ZFHX4: variants seen among roughly 807,000 people sequenced by gnomAD.
The protein encoded by ZFHX4 is zinc finger homeobox protein 4.
In ZFHX4, 56 loss-of-function variants were observed where a neutral mutation model predicts 267.6. The observed-to-expected ratio is 0.21, with a 90% CI of 0.17 to 0.26. ZFHX4 has a LOEUF of 0.26. Ranked by LOEUF, ZFHX4 falls within the 10% of genes least tolerant of loss-of-function variation. ZFHX4 has a pLI of 1.00. For missense variants in ZFHX4, 4,332 were observed against 4,420.0 expected, an observed-to-expected ratio of 0.98 and a Z score of 0.56; for synonymous variants, 1,778 against 1,665.6, an observed-to-expected ratio of 1.07 and a Z score of -1.64.
intron 4 of ZFHX4, among the ~76,000 whole-genome samples, chr8:76,786,614 C>T (rs1466770228): frequency 2.6e-5 from 4 of 151,844 alleles, no homozygotes. Context: ...TTAATATCTC[C>T]TGATAACCAA....
rs1224803547 is a variant in ZFHX4, at chr8:76,864,228, C to T, written c.10514C>T (p.Ser3505Leu). The T allele has an allele frequency of 3.1e-6, 5 of 1,613,794 alleles. No individual in the cohort carries two copies. The highest frequency in any genetic ancestry group is 1.7e-5 in the Admixed American group (1 of 59,976). Residue 3505 changes from serine (S) to leucine (L), a missense_variant, in exon 11 of 11, where the codon TCG becomes TTG. This residue lies in a region of ZFHX4 where 1,648 missense variants were observed against 1,625.0 expected (regional missense o/e 1.01). Transcript: ENST00000651372. The part of the protein sequence containing the change: ...CSPNPNTTST[S>L]QSAASSNNTY... ...CCTAATCCTAACACCACATCTACCT[C>T]GCAGTCTGCAGCTTCTTCTAATAAC...
At chr8:76,733,860 T>C (rs947903054) in intron 3 of ZFHX4, among the ~76,000 whole-genome samples, 2 of 152,168 alleles carry the variant, frequency 1.3e-5, no homozygotes, top group African/African-American at 2.4e-5. Flanking sequence ...TGCCAGATGA[T>C]GTATCCAGCT....
In ZFHX4 at chr8:76,783,354, C is replaced by T. The variant is rs139038680; in HGVS notation, c.3325+4915C>T. The stretch of plus-strand genomic sequence containing the variant: ...AAAAATAATTTTGCTCGGTTGCTTT[C>T]TGATTTTGTTTCTCCTGAATATTGG... On this transcript the variant is annotated intron_variant, in intron 4 of 10. Transcript: ENST00000651372. 3.7e-3 allele frequency among the ~76,000 whole-genome samples: 559 copies of T among 152,070 alleles called. 3 individuals carry two copies. The highest frequency in any genetic ancestry group is 9.5e-3 in the South Asian group (46 of 4,818).
chr8:76,767,037 A>T (rs1343405640), intron 3 of ZFHX4, among the ~76,000 whole-genome samples: 1 of 140,392 alleles, frequency 7.1e-6, no homozygotes, highest in Admixed American at 6.9e-5. Context: ...TGTCTGTCTC[A>T]TAAAGGGGTG....
At chr8:76,824,460 T>G (rs1170621838) in intron 4 of ZFHX4, among the ~76,000 whole-genome samples, 1 of 152,174 alleles carries the variant, frequency 6.6e-6, no homozygotes, top group East Asian at 1.9e-4. Flanking sequence ...GGAAGTTTGG[T>G]ATGGGGAGCA....
chr8:76,714,091 G>A (rs945592004), intron 3 of ZFHX4, among the ~76,000 whole-genome samples: 2 of 152,122 alleles, frequency 1.3e-5, no homozygotes, highest in Non-Finnish European at 2.9e-5. Flanking sequence ...TTAATCAAAA[G>A]AGCTAAATTG....
rs1363201735 is a variant in ZFHX4, at chr8:76,852,296, A to T, written c.5375A>T (p.Gln1792Leu). The change falls in exon 10 of 11, where the codon CAA (glutamine) becomes CTA (leucine). Residue 1792 changes from glutamine (Q) to leucine (L), a missense_variant. Physicochemically the swap from Gln to Leu is moderately radical, Grantham distance 113 (BLOSUM62 -2). This residue lies in a region of ZFHX4 where 1,371 missense variants were observed against 1,423.1 expected (regional missense o/e 0.96). Coordinates refer to ENST00000651372, the MANE Select transcript of ZFHX4 (RefSeq NM_024721.5). ...ACCCAACATCACGTTGGTCAAACTC[A>T]ACTCCAGATACTACAGCAACAAGCA... ...IQTQHHVGQT[Q>L]LQILQQQAQQ... 7.7e-6 allele frequency: 12 copies of T among 1,562,636 alleles called. No homozygotes were observed. Among genetic ancestry groups the T allele is most frequent in the Non-Finnish European group, 1.0e-5 (12 of 1,152,574 alleles).
intron 1 of ZFHX4, chr8:76,683,694 CAG>C (rs1162159986): frequency 1.4e-5 from 2 of 144,000 alleles, no homozygotes; most frequent in African/African-American, 2.6e-5. Context: ...AGACAAGAGA[CAG>C]AGGAGGGTTT....
rs1368654899 is a variant in ZFHX4 at position 76,707,977 on chromosome 8, A to C, written c.3022A>C (p.Thr1008Pro). The change falls in exon 3 of 11, where the codon ACC (threonine) becomes CCC (proline). Residue 1008 changes from threonine (T) to proline (P), a missense_variant. By Grantham distance (38) the Thr-to-Pro change is conservative. Coordinates refer to ENST00000651372, the MANE Select transcript of ZFHX4 (RefSeq NM_024721.5). ...HLKCNACDYY[T>P]NSVDKLRLHT... is the part of the protein sequence containing the mutation. ...AAAATGTAACGCCTGTGACTATTACACCAACAGTGTGGATAAATTACGCTT... is the reference window on the plus strand; with the variant it reads ...AAAATGTAACGCCTGTGACTATTACCCCAACAGTGTGGATAAATTACGCTT... The C allele has an allele frequency of 6.2e-7, 1 of 1,613,936 alleles. No homozygotes were observed. The highest frequency in any genetic ancestry group is 8.5e-7 in the Non-Finnish European group (1 of 1,179,926).
intron 3 of ZFHX4, among the ~76,000 whole-genome samples, chr8:76,710,999 T>C (rs1808408054): frequency 6.6e-6 from 1 of 152,140 alleles, no homozygotes; most frequent in Non-Finnish European, 1.5e-5. Context: ...AAAATATTTA[T>C]TTATTTAACC....
rs1289580413 is a variant in ZFHX4, at chr8:76,706,673, G to A, written c.2585G>A (p.Gly862Glu). ...DPATAAALAPGLVNNELPPEI... is the reference protein window; with the variant it reads ...DPATAAALAPELVNNELPPEI... ...GCGACAGCAGCGGCTTTGGCACCAG[G>A]GCTCGGTTAGTATTTCCTGCTTTTC... Residue 862 changes from glycine (G) to glutamate (E), a missense_variant, in exon 2 of 11, where the codon GGG (glycine) becomes GAG (glutamate). Physicochemically the swap from Gly to Glu is moderately conservative, Grantham distance 98. Around this residue, in one of 7 missense-constraint regions of ZFHX4, gnomAD observed 1,195 missense variants for 1,173.6 expected, o/e 1.02. Transcript: ENST00000651372. 1 of 1,575,314 alleles carries A rather than the reference G, an allele frequency of 6.3e-7. No individual in the cohort carries two copies. The highest frequency in any genetic ancestry group is 1.4e-5 in the African/African-American group (1 of 73,472).
chr8:76,713,101 A>T (rs993845359), intron 3 of ZFHX4, among the ~76,000 whole-genome samples: 1 of 152,182 alleles, frequency 6.6e-6, no homozygotes, highest in African/African-American at 2.4e-5. Context: ...TTTAAGCTTG[A>T]CTTTTGCTGA....
At chr8:76,802,288 A>C (rs534377148) in intron 4 of ZFHX4, among the ~76,000 whole-genome samples, 1 of 152,308 alleles carries the variant, frequency 6.6e-6, no homozygotes, top group Admixed American at 6.5e-5. Context: ...TTTTATAACC[A>C]ACAGTTATCA....
Position 76,853,874 on chromosome 8 carries a change from A to T in ZFHX4, c.6953A>T (p.Asn2318Ile). ...ATGCAGTACCAGTGTAAAAAGTGCA[A>T]TGTGGTTTTCCCCAGGATCTTTGAC... Reference protein sequence around the residue: ...SNMQYQCKKCNVVFPRIFDLI... With the variant: ...SNMQYQCKKCIVVFPRIFDLI... The change falls in exon 10 of 11, where the codon AAT becomes ATT. Residue 2318 changes from asparagine (N) to isoleucine (I), a missense_variant. Transcript: ENST00000651372. The T allele has an allele frequency of 6.2e-7, 1 of 1,613,954 alleles. No individual in the cohort carries two copies. The highest frequency in any genetic ancestry group is 1.1e-5 in the South Asian group (1 of 91,078).
In ZFHX4 at chr8:76,708,054, C is replaced by G; in HGVS notation, c.3093+6C>G. 1.2e-6 allele frequency: 2 copies of G among 1,612,356 alleles called. No individual in the cohort carries two copies. The highest frequency in any genetic ancestry group is 2.2e-5 in the South Asian group (2 of 91,068). ...CGGCCCTGAAGCTCTACAAGGTAAGCAGTGACATCCATTTCCGTTGGCACA... is the reference window on the plus strand; with the variant it reads ...CGGCCCTGAAGCTCTACAAGGTAAGGAGTGACATCCATTTCCGTTGGCACA... On this transcript the variant is annotated splice_donor_region_variant and intron_variant, in intron 3 of 10. Coordinates refer to ENST00000651372, the MANE Select transcript of ZFHX4 (RefSeq NM_024721.5).
Position 76,854,724 on chromosome 8 carries a change from C to A in ZFHX4, c.7803C>A (p.Asp2601Glu). ...SEKEGGNSGE[D>E]QHRDKRLRTT... ...AAGAAGGAGGGAATAGCGGTGAAGA[C>A]CAACACCGAGATAAACGCTTGAGAA... Residue 2601 changes from aspartate (D) to glutamate (E), a missense_variant, in exon 10 of 11, where the codon GAC (aspartate) becomes GAA (glutamate). Transcript: ENST00000651372. 1 of 1,613,126 alleles carries A rather than the reference C, an allele frequency of 6.2e-7. No individual in the cohort carries two copies. Among genetic ancestry groups the A allele is most frequent in the Non-Finnish European group, 8.5e-7 (1 of 1,179,524 alleles).
chr8:76,737,051 T>C (rs1227301384), intron 3 of ZFHX4, among the ~76,000 whole-genome samples: 3 of 152,156 alleles, frequency 2.0e-5, no homozygotes, highest in African/African-American at 7.2e-5. Context: ...ATGATCAAAA[T>C]CATTCTTAGA....
chr8:76,808,475 C>T lies in ZFHX4; in HGVS notation c.3326-24863C>T, dbSNP rs929355041. ...TGGTACACTGCGAAGACCTAGTAAG[C>T]GAGTTAAAGGCTGATGACGCTAACG... On this transcript the variant is annotated intron_variant, in intron 4 of 10. Coordinates refer to ENST00000651372, the MANE Select transcript of ZFHX4 (RefSeq NM_024721.5). 2.6e-5 allele frequency among the ~76,000 whole-genome samples: 4 copies of T among 152,042 alleles called. No homozygotes were observed. The East Asian group carries it at 5.8e-4, about 22-fold the overall frequency.
chr8:76,697,036 T>C (rs1807977026), intron 1 of ZFHX4, among the ~76,000 whole-genome samples: 1 of 152,034 alleles, frequency 6.6e-6, no homozygotes, highest in African/African-American at 2.4e-5. Flanking sequence ...ATGTAGATAA[T>C]TATGGTAGGT....
Sources: allele counts gnomAD v4.1 joint callset (sites outside exome capture counted in the v4.1 genomes callset), GRCh38; gene constraint gnomAD v4.1.1; regional missense constraint gnomAD v4.1.1; transcripts MANE v1.5; gene names NCBI Gene and HGNC (gene_info 2026-07-23, HGNC 2026-07-21).